The following AFAP1 variants were observed in gnomAD, a reference collection of about 807,000 sequenced individuals.
AFAP1 encodes the protein actin filament associated protein 1, also known as actin filament-associated protein 1.
In AFAP1, 75 loss-of-function variants were observed where a neutral mutation model predicts 93.9. The ratio of observed to expected loss-of-function variants is 0.80; its 90% CI spans 0.66 to 0.97. The LOEUF is 0.97. Ranked by LOEUF, AFAP1 falls within the 50% of genes least tolerant of loss-of-function variation. AFAP1 has a pLI of 0.00. For synonymous variants in AFAP1, 517 were observed against 430.7 expected (o/e 1.20, Z -2.48); for missense variants, 1,201 against 1,050.8 (o/e 1.14, Z -1.98).
chr4:7,844,325 C>T (rs1374616113), intron 4 of AFAP1, among the ~76,000 whole-genome samples: 1 of 152,062 alleles, frequency 6.6e-6, no homozygotes, highest in Non-Finnish European at 1.5e-5. Context: ...CATGTGAGGA[C>T]ACAGTGAGGA....
intron 10 of AFAP1, among the ~76,000 whole-genome samples, chr4:7,798,439 G>A (rs1577222542): frequency 6.6e-6 from 1 of 150,774 alleles, no homozygotes. Context: ...TCACAGCATT[G>A]CAACCCTATT....
rs373412915 is a variant in AFAP1 at position 7,917,785 on chromosome 4, G to A, written c.-3+21871C>T. On this transcript the variant is annotated intron_variant, in intron 1 of 17. Coordinates refer to ENST00000420658, the MANE Select transcript of AFAP1 (RefSeq NM_001134647.2). ...CACCCTTCCAAACTCCTCTGGTTCT[G>A]TGTACCTGCCCGGGGCTATTAGCTT... 9.9e-5 allele frequency among the ~76,000 whole-genome samples: 15 copies of A among 152,268 alleles called. 1 individual carries two copies. The East Asian group carries it at 2.7e-3, about 27-fold the overall frequency.
Position 7,764,006 on chromosome 4 carries a change from C to T in AFAP1, c.2419-215G>A, listed in dbSNP as rs573276698. 7.9e-5 allele frequency among the ~76,000 whole-genome samples: 12 copies of T among 152,300 alleles called. No individual in the cohort carries two copies. In the South Asian group the frequency reaches 1.9e-3, roughly 24 times the overall value. On this transcript the variant is annotated intron_variant, in intron 17 of 17. Coordinates refer to ENST00000420658, the MANE Select transcript of AFAP1 (RefSeq NM_001134647.2). ...TCCAGCAGATACCACACACCCCGTT[C>T]ACAGCAGCATGACTCACACCAGCCA...
chr4:7,787,850 C>T (rs1463749246), intron 11 of AFAP1, among the ~76,000 whole-genome samples: 3 of 152,180 alleles, frequency 2.0e-5, no homozygotes, highest in Non-Finnish European at 4.4e-5. Context: ...CTCGGTCAGT[C>T]TCCTGGGTGC....
intron 1 of AFAP1, among the ~76,000 whole-genome samples, chr4:7,934,761 G>A (rs1378515530): frequency 6.6e-6 from 1 of 152,216 alleles, no homozygotes; most frequent in Non-Finnish European, 1.5e-5. Flanking sequence ...ATGCTTTGCT[G>A]ACCTTGACCT....
chr4:7,778,905 A>G, intron 13 of AFAP1, 29 bp from the exon 14 acceptor site: 1 of 1,476,150 alleles, frequency 6.8e-7, no homozygotes, highest in South Asian at 1.2e-5. Context: ...AAGAACATTA[A>G]AAATAAACAC....
chr4:7,936,783 G>A (rs867381869), intron 1 of AFAP1, among the ~76,000 whole-genome samples: 1 of 151,912 alleles, frequency 6.6e-6, no homozygotes, highest in Non-Finnish European at 1.5e-5. Flanking sequence ...GGGTTTCACC[G>A]TGTTAGCCAG....
chr4:7,809,518 A>G, intron 9 of AFAP1, 96 bp downstream of exon 9: 1 of 1,406,252 alleles, frequency 7.1e-7, no homozygotes, highest in Non-Finnish European at 9.6e-7. Flanking sequence ...AGCTCAAATT[A>G]ACGAGCCTTG....
chr4:7,791,936 C>T, intron 11 of AFAP1, among the ~76,000 whole-genome samples: 1 of 151,978 alleles, frequency 6.6e-6, no homozygotes. Context: ...CAGTTAATGT[C>T]CAGCAACGCC....
At chr4:7,874,141 T>A (rs995908259) in intron 1 of AFAP1, among the ~76,000 whole-genome samples, 1 of 152,190 alleles carries the variant, frequency 6.6e-6, no homozygotes, top group Non-Finnish European at 1.5e-5. Flanking sequence ...AAGTCATGTA[T>A]GGGTAAAAGA....
intron 4 of AFAP1, among the ~76,000 whole-genome samples, chr4:7,853,941 A>G (rs1422650283): frequency 6.6e-6 from 1 of 152,180 alleles, no homozygotes; most frequent in Non-Finnish European, 1.5e-5. Flanking sequence ...CGGCTAAGGA[A>G]CAGCCCCACT....
intron 1 of AFAP1, among the ~76,000 whole-genome samples, chr4:7,899,114 T>C (rs1718970702): frequency 6.6e-6 from 1 of 151,920 alleles, no homozygotes; most frequent in South Asian, 2.1e-4. Context: ...AAGCAGAGAA[T>C]TTCAAAATAA....
At chr4:7,918,443 G>A (rs575628370) in intron 1 of AFAP1, among the ~76,000 whole-genome samples, 18 of 143,992 alleles carry the variant, frequency 1.3e-4, no homozygotes, top group South Asian at 2.3e-4. Context: ...AGAGACACTC[G>A]GCCCAGGTCA....
At chr4:7,925,302 T>G (rs1720665481) in intron 1 of AFAP1, among the ~76,000 whole-genome samples, 1 of 152,194 alleles carries the variant, frequency 6.6e-6, no homozygotes, top group South Asian at 2.1e-4. Flanking sequence ...GCGGCTTCCT[T>G]GAGTTCTTCA....
At chr4:7,818,275 G>A (rs1720662399) in intron 7 of AFAP1, among the ~76,000 whole-genome samples, 1 of 152,192 alleles carries the variant, frequency 6.6e-6, no homozygotes, top group South Asian at 2.1e-4. Flanking sequence ...GGCCCACACT[G>A]CAGGTTTCAG....
chr4:7,862,866 A>G (rs1051251810), intron 3 of AFAP1, among the ~76,000 whole-genome samples: 2 of 152,086 alleles, frequency 1.3e-5, no homozygotes, highest in African/African-American at 2.4e-5. Context: ...GATCTGAGAT[A>G]CCCCTATGTT....
rs142191984 is a variant in AFAP1, at chr4:7,829,218, G to A, written c.726+9306C>T. 1.9e-3 allele frequency among the ~76,000 whole-genome samples: 293 copies of A among 152,218 alleles called. 1 individual carries two copies. Among genetic ancestry groups the A allele is most frequent in the African/African-American group, 6.2e-3 (259 of 41,538 alleles). On this transcript the variant is annotated intron_variant, in intron 6 of 17. Coordinates refer to ENST00000420658, the MANE Select transcript of AFAP1 (RefSeq NM_001134647.2). Reference sequence around the variant, plus strand: ...CCAGTCTAAGGTATTTCTTCATAGCGGCATGAGAAGACTAATACACTATCT... The same window carrying A: ...CCAGTCTAAGGTATTTCTTCATAGCAGCATGAGAAGACTAATACACTATCT...
At chr4:7,928,411 A>C (rs1720886767) in intron 1 of AFAP1, among the ~76,000 whole-genome samples, 1 of 152,072 alleles carries the variant, frequency 6.6e-6, no homozygotes, top group African/African-American at 2.4e-5. Context: ...TTTTTGAGAC[A>C]GTCTCTCTCT....
At chr4:7,803,624 A>G (rs963571697) in intron 9 of AFAP1, among the ~76,000 whole-genome samples, 1 of 151,868 alleles carries the variant, frequency 6.6e-6, no homozygotes, top group Admixed American at 6.6e-5. Flanking sequence ...CAGGGGGTCC[A>G]GTCCTGATCC....
Sources: allele counts gnomAD v4.1 joint callset (sites outside exome capture counted in the v4.1 genomes callset), GRCh38; gene constraint gnomAD v4.1.1; transcripts MANE v1.5; gene names NCBI Gene and HGNC (gene_info 2026-07-23, HGNC 2026-07-21).